Variants in PPP4R1 observed in about 807,000 individuals in gnomAD.
PPP4R1 encodes the protein serine/threonine-protein phosphatase 4 regulatory subunit 1.
PPP4R1 carries 42 observed loss-of-function variants against 111.2 expected under a neutral mutation model. That is an observed-to-expected ratio of 0.38 (90% CI 0.29 to 0.49). The LOEUF is 0.49. PPP4R1 is among the 20% of genes least tolerant of loss of function. The pLI, the probability that PPP4R1 is intolerant of heterozygous loss-of-function variation, is 0.97. For missense variants in PPP4R1, 1,012 were observed against 1,161.6 expected (o/e 0.87, Z 1.87); for synonymous variants, 409 against 405.5 (o/e 1.01, Z -0.10).
chr18:9,568,338 A>C (rs1239153306), intron 11 of PPP4R1, among the ~76,000 whole-genome samples: 1 of 152,204 alleles, frequency 6.6e-6, no homozygotes, highest in Non-Finnish European at 1.5e-5. Flanking sequence ...TATGCACTGG[A>C]AAACCACAAA....
rs565237730 is a variant in PPP4R1 at position 9,556,340 on chromosome 18, C to G, written c.2190+881G>C. 5.2e-3 allele frequency among the ~76,000 whole-genome samples: 785 copies of G among 151,658 alleles called. 8 individuals carry two copies. Among genetic ancestry groups the G allele is most frequent in the Admixed American group, 0.012 (188 of 15,238 alleles). ...CCTGAGTGGCTGAGACTACAGGTGC[C>G]TACCACCACGCCCAGCTAATTTTTT... is the stretch of plus-strand genomic sequence containing the variant. On this transcript the variant is annotated intron_variant, in intron 15 of 19. Coordinates refer to ENST00000400556, the MANE Select transcript of PPP4R1 (RefSeq NM_001042388.3).
At chr18:9,559,203 T>C (rs1043395288) in intron 14 of PPP4R1, among the ~76,000 whole-genome samples, 2 of 152,248 alleles carry the variant, frequency 1.3e-5, no homozygotes, top group African/African-American at 4.8e-5. Flanking sequence ...GATAACAATT[T>C]CTAATGCTTT....
chr18:9,609,299 C>T (rs627112), intron 2 of PPP4R1, among the ~76,000 whole-genome samples: 55,253 of 151,966 alleles, frequency 0.36, 11,005 homozygotes, highest in African/African-American at 0.51. Flanking sequence ...ATATGATTCA[C>T]GTTCAAGGGC....
chr18:9,611,462 T>C (rs2067578164), intron 2 of PPP4R1, among the ~76,000 whole-genome samples: 1 of 152,214 alleles, frequency 6.6e-6, no homozygotes, highest in Admixed American at 6.5e-5. Context: ...GGAGGCACCA[T>C]GGCCCAGTGT....
chr18:9,595,096 T>A lies in PPP4R1; in HGVS notation c.110A>T (p.Asp37Val). 1 of 1,613,958 alleles carries A rather than the reference T, an allele frequency of 6.2e-7. No individual in the cohort carries two copies. The highest frequency in any genetic ancestry group is 8.5e-7 in the Non-Finnish European group (1 of 1,179,884). ...CAACATTTCATCTTGTGAGACAAAGTCCAGGGCTGAAGGTATAATAATCAC... is the reference window on the plus strand; with the variant it reads ...CAACATTTCATCTTGTGAGACAAAGACCAGGGCTGAAGGTATAATAATCAC... ...SDVIIIPSALDFVSQDEMLTP... is the reference protein window; with the variant it reads ...SDVIIIPSALVFVSQDEMLTP... The change falls in exon 3 of 20, where the codon GAC becomes GTC. Residue 37 changes from aspartate to valine, a missense_variant. By Grantham distance (152) the Asp-to-Val change is radical. Transcript: ENST00000400556.
intron 15 of PPP4R1, among the ~76,000 whole-genome samples, chr18:9,555,332 A>C (rs779599617): frequency 4.6e-5 from 7 of 152,270 alleles, no homozygotes; most frequent in East Asian, 1.9e-4. Context: ...TTAAAAAAAA[A>C]CAGAAAGAAT....
rs72477240 is a variant in PPP4R1, at chr18:9,557,848, C to T, written c.2029-466G>A. Reference sequence around the variant, plus strand: ...CTAAGCACATGCTAGAACATGCCGACGTACTGAGGCTGCACATGGACCAAA... The same window carrying T: ...CTAAGCACATGCTAGAACATGCCGATGTACTGAGGCTGCACATGGACCAAA... On this transcript the variant is annotated intron_variant, in intron 14 of 19. Transcript: ENST00000400556. Among the ~76,000 whole-genome samples the T allele has an allele frequency of 3.7e-3, 564 of 152,242 alleles. 9 individuals are homozygous for T. In the East Asian group the frequency reaches 0.061, roughly 16 times the overall value.
intron 2 of PPP4R1, among the ~76,000 whole-genome samples, chr18:9,597,002 T>C (rs2067300368): frequency 6.6e-6 from 1 of 152,198 alleles, no homozygotes; most frequent in South Asian, 2.1e-4. Flanking sequence ...GGCATGCTGA[T>C]AGTGTCTGTA....
chr18:9,564,577 C>T (rs553649962), intron 11 of PPP4R1, among the ~76,000 whole-genome samples: 1 of 152,264 alleles, frequency 6.6e-6, no homozygotes, highest in African/African-American at 2.4e-5. Context: ...TTTTCACCAA[C>T]CCTTTTAATC....
intron 2 of PPP4R1, among the ~76,000 whole-genome samples, chr18:9,602,143 T>C (rs1374021327): frequency 6.6e-6 from 1 of 152,088 alleles, no homozygotes; most frequent in Non-Finnish European, 1.5e-5. Flanking sequence ...CTACTTGCAG[T>C]TCCCTGAATC....
chr18:9,594,850 G>T, intron 3 of PPP4R1, 168 bp downstream of exon 3: 3 of 712,164 alleles, frequency 4.2e-6, no homozygotes, highest in Middle Eastern at 4.3e-4. Flanking sequence ...TAGGATCAAA[G>T]AATAAACAAG....
intron 4 of PPP4R1, among the ~76,000 whole-genome samples, chr18:9,589,172 A>G (rs1181184701): frequency 6.6e-6 from 1 of 152,184 alleles, no homozygotes; most frequent in Non-Finnish European, 1.5e-5. Flanking sequence ...ATCCTATCTG[A>G]TATTTACATC....
chr18:9,562,961 G>C, intron 12 of PPP4R1: 1 of 995,238 alleles, frequency 1.0e-6, no homozygotes, highest in Non-Finnish European at 1.2e-6. Context: ...CTGGCCCTCC[G>C]CAACATGGCC....
chr18:9,597,738 T>A (rs1468362019), intron 2 of PPP4R1, among the ~76,000 whole-genome samples: 5 of 151,904 alleles, frequency 3.3e-5, no homozygotes, highest in African/African-American at 1.2e-4. Flanking sequence ...AAAACTCGAG[T>A]ATGTAAATGA....
chr18:9,580,351 ATTTT>A (rs3974279), intron 9 of PPP4R1, among the ~76,000 whole-genome samples: 1 of 146,304 alleles, frequency 6.8e-6, no homozygotes, highest in Non-Finnish European at 1.5e-5. Flanking sequence ...TGAGAGTCTA[ATTTT>A]TTTTTTTTTT....
chr18:9,576,483 A>G (rs1250822394), intron 10 of PPP4R1, among the ~76,000 whole-genome samples: 1 of 152,160 alleles, frequency 6.6e-6, no homozygotes, highest in Non-Finnish European at 1.5e-5. Flanking sequence ...CCGACTCTTT[A>G]AGCTTTATTT....
intron 19 of PPP4R1, among the ~76,000 whole-genome samples, chr18:9,548,390 T>G (rs2066433001): frequency 6.9e-6 from 1 of 145,824 alleles, no homozygotes; most frequent in Non-Finnish European, 1.5e-5. Flanking sequence ...ATTTATGAGG[T>G]GTTTTGGGCG....
chr18:9,601,038 T>A (rs1369605463), intron 2 of PPP4R1, among the ~76,000 whole-genome samples: 1 of 152,196 alleles, frequency 6.6e-6, no homozygotes, highest in Non-Finnish European at 1.5e-5. Flanking sequence ...TCTTGAACAC[T>A]GTAATAGCAG....
Position 9,584,769 on chromosome 18 carries a change from A to C in PPP4R1, c.645T>G (p.Pro215=). 6.2e-7 allele frequency: 1 copy of C among 1,613,860 alleles called. No individual in the cohort carries two copies. The change falls in exon 7 of 20, where the codon CCT becomes CCG. Residue 215 remains proline, a synonymous_variant. Coordinates refer to ENST00000400556, the MANE Select transcript of PPP4R1 (RefSeq NM_001042388.3). The stretch of plus-strand genomic sequence containing the variant: ...AATCGCAGCACATCTCACAAAACCT[A>C]GGGAGGATAAGACGCTCTGTAATAT... ...GKDITERLIL[P]RFCEMCCDCR...
Sources: gnomAD v4.1 joint callset for allele counts (sites outside exome capture counted in the v4.1 genomes callset) on GRCh38, gnomAD v4.1.1 for gene constraint, MANE v1.5 for transcripts, NCBI Gene and HGNC (gene_info 2026-07-23, HGNC 2026-07-21) for gene names.